Variants in YAP1 observed in about 807,000 individuals in gnomAD.
YAP1 encodes the protein transcriptional coactivator YAP1.
Under a neutral mutation model 56.9 loss-of-function variants are expected in YAP1, and 5 were observed. The ratio of observed to expected loss-of-function variants is 0.09; its 90% CI spans 0.05 to 0.18. The LOEUF is 0.18. Ranked by LOEUF, YAP1 falls within the 10% of genes least tolerant of loss-of-function variation. The pLI is 1.00. For missense variants in YAP1, 539 were observed against 651.8 expected (o/e 0.83, Z 1.88); for synonymous variants, 265 against 248.1 (o/e 1.07, Z -0.64).
intron 3 of YAP1, among the ~76,000 whole-genome samples, chr11:102,172,532 A>G (rs540684554): frequency 3.6e-5 from 5 of 137,600 alleles, no homozygotes; most frequent in Non-Finnish European, 6.2e-5. Context: ...GTGTATGCCT[A>G]TAGTCCCAGC....
intron 2 of YAP1, among the ~76,000 whole-genome samples, chr11:102,128,828 C>G (rs894481823): frequency 2.0e-4 from 31 of 152,212 alleles, no homozygotes; most frequent in African/African-American, 7.2e-4. Flanking sequence ...TTGCCATTTC[C>G]AAGTTCTTCA....
chr11:102,164,061 G>A (rs1010071289), intron 3 of YAP1, among the ~76,000 whole-genome samples: 13 of 146,730 alleles, frequency 8.9e-5, no homozygotes, highest in South Asian at 4.3e-4. Flanking sequence ...TTATTGAGAC[G>A]GAGTCTCACT....
intron 2 of YAP1, among the ~76,000 whole-genome samples, chr11:102,145,074 G>A (rs1339262392): frequency 6.6e-6 from 1 of 152,196 alleles, no homozygotes; most frequent in Non-Finnish European, 1.5e-5. Context: ...TGGTAAGGCT[G>A]TCATTTAATG....
chr11:102,114,065 T>A, intron 1 of YAP1, 79 bp from the exon 2 acceptor site: 1 of 1,458,938 alleles, frequency 6.9e-7, no homozygotes, highest in East Asian at 2.3e-5. Context: ...CGGCTGCAAT[T>A]AAGCGCTGAC....
intron 4 of YAP1, among the ~76,000 whole-genome samples, chr11:102,190,446 C>T (rs920844937): frequency 6.6e-6 from 1 of 151,862 alleles, no homozygotes; most frequent in African/African-American, 2.4e-5. Flanking sequence ...GCCTGGCCAA[C>T]ATAGTGAAAC....
At position 102,229,785 on chromosome 11, in the gene YAP1, G is replaced by A. The variant is rs773457076; in HGVS notation, c.1360G>A (p.Asp454Asn). The change falls in exon 9 of 9, where the codon GAC (aspartate) becomes AAC (asparagine). Residue 454 changes from aspartate to asparagine, a missense_variant. Transcript: ENST00000282441. ...TGAAGCCATTCCTGGGACAAATGTG[G>A]ACCTTGGAACACTGGAAGGAGATGG... ...YLEAIPGTNVDLGTLEGDGMN... is the reference protein window; with the variant it reads ...YLEAIPGTNVNLGTLEGDGMN... 5 of 1,614,158 alleles carry A rather than the reference G, an allele frequency of 3.1e-6. No homozygotes were observed. The South Asian group carries it at 3.3e-5, about 11-fold the overall frequency.
intron 1 of YAP1, among the ~76,000 whole-genome samples, chr11:102,111,687 CCCTTT>C (rs1198729595): frequency 6.6e-6 from 1 of 152,170 alleles, no homozygotes; most frequent in African/African-American, 2.4e-5. Context: ...AGCCCTGGGC[CCCTTT>C]CCTTTGCGGC....
chr11:102,115,855 C>G (rs866050723), intron 2 of YAP1, among the ~76,000 whole-genome samples: 1 of 152,206 alleles, frequency 6.6e-6, no homozygotes, highest in African/African-American at 2.4e-5. Flanking sequence ...AGAAAGGCTG[C>G]ACTTTTTTGA....
intron 4 of YAP1, among the ~76,000 whole-genome samples, chr11:102,203,665 A>T (rs1260749747): frequency 6.6e-6 from 1 of 152,234 alleles, no homozygotes; most frequent in Admixed American, 6.5e-5. Context: ...TTCTATGTTT[A>T]TGGAAATTAC....
chr11:102,199,658 A>G (rs77035464), intron 4 of YAP1, among the ~76,000 whole-genome samples: 1 of 152,230 alleles, frequency 6.6e-6, no homozygotes. Context: ...AAAAGACACA[A>G]CTAGGGTAGG....
intron 2 of YAP1, among the ~76,000 whole-genome samples, chr11:102,160,263 T>C (rs1362240474): frequency 5.3e-5 from 8 of 152,186 alleles, no homozygotes; most frequent in Admixed American, 3.9e-4. Context: ...CTTCAGGTGG[T>C]CCGCCCGCCT....
intron 2 of YAP1, among the ~76,000 whole-genome samples, chr11:102,126,364 TC>T (rs1256856798): frequency 6.6e-6 from 1 of 152,190 alleles, no homozygotes; most frequent in Non-Finnish European, 1.5e-5. Context: ...CTCCCAGAAT[TC>T]CTACATGTTG....
intron 2 of YAP1, among the ~76,000 whole-genome samples, chr11:102,158,502 G>T (rs576569401): frequency 1.1e-4 from 17 of 152,276 alleles, no homozygotes; most frequent in Admixed American, 1.0e-3. Context: ...AGTGGGTTGG[G>T]TGGAGCCTGA....
rs1050822603 is a variant in YAP1 at position 102,227,624 on chromosome 11, G to A, written c.1276+43G>A. On this transcript the variant is annotated intron_variant, in intron 8 of 8. Transcript: ENST00000282441. ...CTCTTAGTAACCTGACTTAACAGTG[G>A]GATATGTTATCACCAGGTCTCATAA... is the stretch of plus-strand genomic sequence containing the variant. 5 of 1,309,768 alleles carry A rather than the reference G, an allele frequency of 3.8e-6. No homozygotes were observed. The East Asian group carries it at 6.9e-5, about 18-fold the overall frequency. 81.1% of individuals were successfully genotyped at this position (1,309,768 alleles called of 1,614,324 possible).
intron 4 of YAP1, among the ~76,000 whole-genome samples, chr11:102,197,874 T>G (rs939957152): frequency 1.3e-5 from 2 of 152,168 alleles, no homozygotes; most frequent in African/African-American, 4.8e-5. Flanking sequence ...AAGCCGGTTT[T>G]GTTTCTTGCC....
In YAP1 at chr11:102,172,300, A is replaced by ATT. The variant is rs752185861; in HGVS notation, c.688+9756_688+9757dup. ...TAGTGGAAAGGAAGAACAGTGAAGA[A>ATT]TTTTTTTTTTTTTTTTTTTTTTTTT... On this transcript the variant is annotated intron_variant, in intron 3 of 8. Coordinates refer to ENST00000282441, the MANE Select transcript of YAP1 (RefSeq NM_001130145.3). Among the ~76,000 whole-genome samples the ATT allele has an allele frequency of 9.9e-3, 1,098 of 110,824 alleles. 111 individuals are homozygous for ATT. The highest frequency in any genetic ancestry group is 0.035 in the African/African-American group (820 of 23,574). 72.7% of individuals were successfully genotyped at this position (110,824 alleles called of 152,430 possible). A position where few individuals can be genotyped will look rare whatever the true frequency, so the allele number is the denominator to read the frequency against.
At chr11:102,136,917 G>A (rs1222240321) in intron 2 of YAP1, among the ~76,000 whole-genome samples, 1 of 152,202 alleles carries the variant, frequency 6.6e-6, no homozygotes, top group Non-Finnish European at 1.5e-5. Context: ...TGTCTTGATA[G>A]TAGAGGAAGT....
At chr11:102,112,206 T>G (rs976441537) in intron 1 of YAP1, among the ~76,000 whole-genome samples, 1 of 152,222 alleles carries the variant, frequency 6.6e-6, no homozygotes, top group Non-Finnish European at 1.5e-5. Context: ...AGTTAATGTT[T>G]GGGAAGCGAT....
intron 1 of YAP1, among the ~76,000 whole-genome samples, chr11:102,113,881 C>T (rs192569971): frequency 1.3e-3 from 200 of 152,226 alleles, no homozygotes; most frequent in Non-Finnish European, 2.5e-3. Flanking sequence ...GTTGCCCTTA[C>T]ATGTCTAGTG....
Sources: allele counts gnomAD v4.1 joint callset (sites outside exome capture counted in the v4.1 genomes callset), GRCh38; gene constraint gnomAD v4.1.1; transcripts MANE v1.5; gene names NCBI Gene and HGNC (gene_info 2026-07-23, HGNC 2026-07-21).